Variants in SLC2A9 observed in about 807,000 individuals in gnomAD.
SLC2A9 encodes solute carrier family 2, facilitated glucose transporter member 9.
A neutral mutation model predicts 50.6 loss-of-function variants in SLC2A9; 39 were observed. That is an observed-to-expected ratio of 0.77 (90% CI 0.60 to 1.01). The LOEUF (loss-of-function observed/expected upper bound fraction) is 1.01. Among genes scored for constraint, SLC2A9 ranks in the 50% least tolerant of loss-of-function variants. The probability of loss-of-function intolerance (pLI) is 0.00; values close to 1 mark genes in which losing one functional copy is unlikely to be tolerated. For missense variants in SLC2A9, 686 were observed against 677.6 expected, an observed-to-expected ratio of 1.01 and a Z score of -0.14; for synonymous variants, 324 against 276.9, an observed-to-expected ratio of 1.17 and a Z score of -1.69.
intron 8 of SLC2A9, among the ~76,000 whole-genome samples, chr4:9,906,971 A>G (rs954035212): frequency 6.6e-6 from 1 of 152,248 alleles, no homozygotes; most frequent in Non-Finnish European, 1.5e-5. Flanking sequence ...TATTTTTTAA[A>G]AGCATCTTGT....
intron 7 of SLC2A9, among the ~76,000 whole-genome samples, chr4:9,914,271 C>A (rs192898819): frequency 6.6e-6 from 1 of 152,294 alleles, no homozygotes; most frequent in Non-Finnish European, 1.5e-5. Flanking sequence ...TGAATCACTA[C>A]CGGCAGCTGC....
At chr4:9,803,637 C>T (rs919073700) in intron 3 of SLC2A9, among the ~76,000 whole-genome samples, 95 of 152,190 alleles carry the variant, frequency 6.2e-4, no homozygotes, top group African/African-American at 2.2e-3. Flanking sequence ...CTCTATCACA[C>T]TCTGACCTCT....
At chr4:9,913,351 G>C (rs555877866) in intron 7 of SLC2A9, among the ~76,000 whole-genome samples, 2 of 150,270 alleles carry the variant, frequency 1.3e-5, no homozygotes, top group African/African-American at 5.0e-5. Flanking sequence ...GAGAGAGAGA[G>C]AGAGACAGAG....
At chr4:9,985,864 A>G in intron 3 of SLC2A9, 71 bp from the exon 4 acceptor site, 3 of 1,606,846 alleles carry the variant, frequency 1.9e-6, no homozygotes, top group Non-Finnish European at 2.6e-6. Context: ...CCATCCCAGG[A>G]GCAGGAGCCA....
At chr4:9,810,515 G>A (rs937781665) in intron 3 of SLC2A9, among the ~76,000 whole-genome samples, 1 of 152,202 alleles carries the variant, frequency 6.6e-6, no homozygotes, top group Non-Finnish European at 1.5e-5. Flanking sequence ...CTGATAATTA[G>A]TTGGACTGGG....
At chr4:9,836,349 T>C (rs1727109508) in intron 10 of SLC2A9, among the ~76,000 whole-genome samples, 2 of 151,808 alleles carry the variant, frequency 1.3e-5, no homozygotes. Flanking sequence ...AATAAATACA[T>C]ATAAATACAA....
At chr4:9,983,405 T>C (rs1174241525) in intron 4 of SLC2A9, among the ~76,000 whole-genome samples, 1 of 152,224 alleles carries the variant, frequency 6.6e-6, no homozygotes, top group East Asian at 1.9e-4. Context: ...TGCTTGCACA[T>C]TGTGCACATT....
chr4:9,774,580 T>C (rs557319720), intron 1 of SLC2A9, among the ~76,000 whole-genome samples: 1 of 152,298 alleles, frequency 6.6e-6, no homozygotes, highest in South Asian at 2.1e-4. Context: ...CAGGGCTTTG[T>C]CAGTTGTAAC....
At chr4:9,876,790 T>C (rs772466891) in intron 10 of SLC2A9, among the ~76,000 whole-genome samples, 2 of 152,198 alleles carry the variant, frequency 1.3e-5, no homozygotes, top group East Asian at 1.9e-4. Flanking sequence ...TCTGAGTCTT[T>C]GTTTCTAGAC....
At chr4:9,982,341 C>A (rs1009542815) in intron 4 of SLC2A9, among the ~76,000 whole-genome samples, 1 of 152,168 alleles carries the variant, frequency 6.6e-6, no homozygotes. Context: ...CAAGTCCTGG[C>A]GTGACTCCAA....
At chr4:9,934,400 A>C (rs570885980) in intron 6 of SLC2A9, among the ~76,000 whole-genome samples, 37 of 152,128 alleles carry the variant, frequency 2.4e-4, no homozygotes, top group Non-Finnish European at 4.1e-4. Flanking sequence ...TTTTTTCTCA[A>C]ACTACTTTGC....
downstream of SLC2A9, among the ~76,000 whole-genome samples, chr4:9,775,389 G>T (rs917414119): frequency 4.6e-5 from 7 of 152,298 alleles, no homozygotes; most frequent in African/African-American, 1.7e-4. Flanking sequence ...CAGGAGACCA[G>T]CCCAGAAGCA....
chr4:9,908,497 C>T (rs909004610), intron 7 of SLC2A9, 152 bp from the exon 8 acceptor site: 2 of 425,386 alleles, frequency 4.7e-6, no homozygotes, highest in Admixed American at 4.4e-5. Flanking sequence ...TTTCATCCCA[C>T]CTTCTCCCTT....
At chr4:9,909,923 T>C (rs1206930885) in intron 7 of SLC2A9, among the ~76,000 whole-genome samples, 1 of 152,252 alleles carries the variant, frequency 6.6e-6, no homozygotes, top group Non-Finnish European at 1.5e-5. Flanking sequence ...CACTCTCGCA[T>C]TTTGCTCTTT....
At chr4:10,014,017 C>A (rs2109466467) in intron 2 of SLC2A9, among the ~76,000 whole-genome samples, 1 of 152,318 alleles carries the variant, frequency 6.6e-6, no homozygotes, top group African/African-American at 2.4e-5. Flanking sequence ...TGCACCTCTT[C>A]TGTTCCAAGG....
chr4:10,020,475 C>T (rs1763370687), intron 1 of SLC2A9, among the ~76,000 whole-genome samples: 1 of 152,162 alleles, frequency 6.6e-6, no homozygotes, highest in African/African-American at 2.4e-5. Context: ...CAAGAGGGAA[C>T]ATTTATAAGC....
chr4:9,804,758 T>A (rs1721902731), intron 3 of SLC2A9, among the ~76,000 whole-genome samples: 1 of 152,190 alleles, frequency 6.6e-6, no homozygotes, highest in Non-Finnish European at 1.5e-5. Context: ...AGAGAATTGC[T>A]TGGGCTTTGA....
At chr4:9,776,780 A>G (rs983088277), downstream of SLC2A9, among the ~76,000 whole-genome samples, 3 of 152,120 alleles carry the variant, frequency 2.0e-5, no homozygotes, top group Non-Finnish European at 4.4e-5. Context: ...TGAGATATGA[A>G]GGCTCGTAGT....
At chr4:9,809,181 G>A (rs1308362265) in intron 3 of SLC2A9, among the ~76,000 whole-genome samples, 1 of 152,120 alleles carries the variant, frequency 6.6e-6, no homozygotes, top group African/African-American at 2.4e-5. Context: ...TGTCAGACTC[G>A]ATTTTTAATT....
Sources: allele counts gnomAD v4.1 joint callset (sites outside exome capture counted in the v4.1 genomes callset), GRCh38; gene constraint gnomAD v4.1.1; transcripts MANE v1.5; gene names NCBI Gene and HGNC (gene_info 2026-07-23, HGNC 2026-07-21).